Variants in CPEB1 observed in about 807,000 individuals in gnomAD.
CPEB1 encodes cytoplasmic polyadenylation element-binding protein 1.
Under a neutral mutation model 65.8 loss-of-function variants are expected in CPEB1, and 7 were observed. The ratio of observed to expected loss-of-function variants is 0.11; its 90% confidence interval spans 0.06 to 0.20. The LOEUF (loss-of-function observed/expected upper bound fraction) is 0.20, where lower values mean the gene tolerates loss of function less well. CPEB1 is among the 10% of genes least tolerant of loss of function. CPEB1 has a pLI of 1.00. For missense variants in CPEB1, 551 were observed against 712.2 expected (o/e 0.77, Z 2.58); for synonymous variants, 262 against 260.0 (o/e 1.01, Z -0.08).
In CPEB1 at chr15:82,553,979, G is replaced by A; in HGVS notation, c.953C>T (p.Ala318Val). 1 of 1,602,836 alleles carries A rather than the reference G, an allele frequency of 6.2e-7. No homozygotes were observed. The highest frequency in any genetic ancestry group is 1.1e-5 in the South Asian group (1 of 88,776). ...AAGCTGGCCACTCCAGGTACAGGTG[G>A]CTTCATTCACAGCTTTGGTAGATGG... The part of the protein sequence containing the change: ...LHRQAAAVNE[A>V]TCTWSGQLPP... Residue 318 changes from alanine to valine, a missense_variant, in exon 7 of 13, where the codon GCC becomes GTC. Coordinates refer to ENST00000684509, the MANE Select transcript of CPEB1 (RefSeq NM_001365242.1).
At chr15:82,563,185 G>C (rs1262521314) in intron 4 of CPEB1, among the ~76,000 whole-genome samples, 2 of 152,104 alleles carry the variant, frequency 1.3e-5, no homozygotes, top group African/African-American at 2.4e-5. Flanking sequence ...AGGAGCAAGG[G>C]CCTACTTAGA....
At chr15:82,578,270 C>A (rs770110169) in intron 3 of CPEB1, among the ~76,000 whole-genome samples, 1 of 152,204 alleles carries the variant, frequency 6.6e-6, no homozygotes, top group Non-Finnish European at 1.5e-5. Context: ...TCCGTTCTTT[C>A]TTTTCAACCA....
At chr15:82,620,784 C>CA (rs1313892986) in intron 3 of CPEB1, among the ~76,000 whole-genome samples, 3 of 152,164 alleles carry the variant, frequency 2.0e-5, no homozygotes, top group Admixed American at 6.5e-5. Context: ...GCCTGGGTGA[C>CA]AGTGATACCC....
intron 3 of CPEB1, among the ~76,000 whole-genome samples, chr15:82,590,893 C>G (rs553650884): frequency 6.6e-6 from 1 of 152,280 alleles, no homozygotes; most frequent in African/African-American, 2.4e-5. Context: ...ATACATACTA[C>G]ATTTTCTTTA....
intron 1 of CPEB1, chr15:82,640,673 C>T (rs1310828456): frequency 6.6e-6 from 1 of 152,120 alleles, no homozygotes; most frequent in Non-Finnish European, 1.5e-5. Flanking sequence ...TAGATACACG[C>T]ATTCGGTAGT....
At chr15:82,603,960 T>TG (rs1331407455) in intron 3 of CPEB1, among the ~76,000 whole-genome samples, 1 of 152,134 alleles carries the variant, frequency 6.6e-6, no homozygotes, top group African/African-American at 2.4e-5. Flanking sequence ...GGCCCATTCA[T>TG]GGGGGAAAAA....
At chr15:82,555,543 T>G (rs2037045438) in intron 6 of CPEB1, among the ~76,000 whole-genome samples, 1 of 152,170 alleles carries the variant, frequency 6.6e-6, no homozygotes, top group Non-Finnish European at 1.5e-5. Context: ...CTTGAGGACA[T>G]CCACCCGTGG....
intron 3 of CPEB1, among the ~76,000 whole-genome samples, chr15:82,621,039 A>G (rs767094418): frequency 2.0e-5 from 3 of 152,198 alleles, no homozygotes; most frequent in South Asian, 2.1e-4. Context: ...AGGTTCCATA[A>G]AAGTTTATTT....
intron 3 of CPEB1, among the ~76,000 whole-genome samples, chr15:82,587,847 A>G (rs1418223195): frequency 2.0e-5 from 3 of 152,220 alleles, no homozygotes; most frequent in Non-Finnish European, 2.9e-5. Flanking sequence ...TTTATACCTA[A>G]GTACAAACAT....
At chr15:82,562,085 T>C (rs2038317336) in intron 4 of CPEB1, 1 of 393,424 alleles carries the variant, frequency 2.5e-6, no homozygotes, top group Admixed American at 3.4e-5. Context: ...GCAGTCAGTT[T>C]GTAAAAGTAA....
chr15:82,549,036 C>G (rs2035790667), intron 10 of CPEB1, among the ~76,000 whole-genome samples: 1 of 152,242 alleles, frequency 6.6e-6, no homozygotes, highest in South Asian at 2.1e-4. Context: ...AAGTCCTCCT[C>G]CAGCCTGACC....
chr15:82,641,971 A>G (rs2047151828), intron 1 of CPEB1, among the ~76,000 whole-genome samples: 1 of 152,206 alleles, frequency 6.6e-6, no homozygotes. Flanking sequence ...TGAATTTAGC[A>G]CTCTGAAATT....
At chr15:82,544,862 A>C (rs1201859847) in intron 12 of CPEB1, among the ~76,000 whole-genome samples, 160 bp from the exon 13 acceptor site, 1 of 152,146 alleles carries the variant, frequency 6.6e-6, no homozygotes, top group African/African-American at 2.4e-5. Context: ...TCACCCCAAC[A>C]CAGAAGCCTG....
At chr15:82,643,617 TC>T (rs2047271095) in intron 1 of CPEB1, among the ~76,000 whole-genome samples, 1 of 146,942 alleles carries the variant, frequency 6.8e-6, no homozygotes, top group South Asian at 2.2e-4. Context: ...CAACAGAGTC[TC>T]CATCTCAAAA....
At chr15:82,550,218 G>A (rs1362184088) in intron 9 of CPEB1, among the ~76,000 whole-genome samples, 1 of 152,208 alleles carries the variant, frequency 6.6e-6, no homozygotes, top group Non-Finnish European at 1.5e-5. Flanking sequence ...GATCCCTGGA[G>A]TCTTAAAGGG....
chr15:82,575,382 A>G (rs1000691443), intron 3 of CPEB1, among the ~76,000 whole-genome samples: 1 of 152,226 alleles, frequency 6.6e-6, no homozygotes, highest in African/African-American at 2.4e-5. Context: ...CTATCTTTGT[A>G]ACTTGGTAGG....
At chr15:82,634,846 AT>A (rs1247650796) in intron 1 of CPEB1, among the ~76,000 whole-genome samples, 2 of 152,068 alleles carry the variant, frequency 1.3e-5, no homozygotes, top group Non-Finnish European at 2.9e-5. Context: ...TACTCTGGCA[AT>A]TTGCCTTTAT....
At chr15:82,569,836 T>G (rs1290747270) in intron 4 of CPEB1, among the ~76,000 whole-genome samples, 3 of 152,196 alleles carry the variant, frequency 2.0e-5, no homozygotes, top group Admixed American at 6.5e-5. Flanking sequence ...CCATCTCCTG[T>G]GTGAGTTCTT....
intron 12 of CPEB1, 116 bp downstream of exon 12, chr15:82,546,325 G>T: frequency 1.3e-6 from 1 of 768,352 alleles, no homozygotes; most frequent in Non-Finnish European, 2.3e-6. Flanking sequence ...GGCCAGGCTG[G>T]TCCTCCTGAT....
Sources: allele counts gnomAD v4.1 joint callset (sites outside exome capture counted in the v4.1 genomes callset), GRCh38; gene constraint gnomAD v4.1.1; transcripts MANE v1.5; gene names NCBI Gene and HGNC (gene_info 2026-07-23, HGNC 2026-07-21).